COG5: variants seen among roughly 807,000 people sequenced by gnomAD.
COG5 encodes the protein component of oligomeric golgi complex 5.
A neutral mutation model predicts 110.4 loss-of-function variants in COG5; 86 were observed. That is an observed-to-expected ratio of 0.78 (90% CI 0.65 to 0.93). COG5 has a LOEUF of 0.93. Among genes scored for constraint, COG5 ranks in the 40% least tolerant of loss-of-function variants. The pLI is 0.00. For missense variants in COG5, 1,077 were observed against 987.0 expected (o/e 1.09, Z -1.22); for synonymous variants, 360 against 334.6 (o/e 1.08, Z -0.83).
At chr7:107,527,985 T>C (rs1190178207) in intron 5 of COG5, among the ~76,000 whole-genome samples, 4 of 152,164 alleles carry the variant, frequency 2.6e-5, no homozygotes, top group Admixed American at 6.6e-5. Context: ...CTATGCTAGG[T>C]TGCTCAGCTT....
chr7:107,539,413 C>T (rs1317637848), intron 5 of COG5, among the ~76,000 whole-genome samples: 3 of 152,060 alleles, frequency 2.0e-5, no homozygotes, highest in Non-Finnish European at 2.9e-5. Context: ...TATGGATGAA[C>T]CTTGAAAACA....
At position 107,296,627 on chromosome 7, in the gene COG5, C is replaced by A. The variant is rs1309122254; in HGVS notation, c.1313+1515G>T. The stretch of plus-strand genomic sequence containing the variant: ...TAAAGAGAGACAGGGTCTCACTATG[C>A]TGCCCAGGCTGGCCTCTAACTCCTA... On this transcript the variant is annotated intron_variant, in intron 12 of 21. Transcript: ENST00000297135. Among the ~76,000 whole-genome samples the A allele has an allele frequency of 2.1e-5, 3 of 141,038 alleles. No individual in the cohort carries two copies. In the East Asian group the frequency reaches 6.2e-4, roughly 29 times the overall value. 92.5% of individuals were successfully genotyped at this position (141,038 alleles called of 152,430 possible).
chr7:107,372,521 G>A, intron 8 of COG5, 74 bp downstream of exon 8: 1 of 1,386,930 alleles, frequency 7.2e-7, no homozygotes, highest in Non-Finnish European at 1.0e-6. Flanking sequence ...TGAAACATGA[G>A]TGTTTCACAT....
At chr7:107,496,182 T>G (rs1372987101) in intron 6 of COG5, among the ~76,000 whole-genome samples, 1 of 152,094 alleles carries the variant, frequency 6.6e-6, no homozygotes, top group African/African-American at 2.4e-5. Flanking sequence ...GGGCCAGCAT[T>G]TGCCTGACAT....
intron 12 of COG5, among the ~76,000 whole-genome samples, chr7:107,292,780 T>G (rs1806286328): frequency 6.6e-6 from 1 of 152,178 alleles, no homozygotes. Flanking sequence ...GGGGCCCATT[T>G]AGATGAAGTA....
At chr7:107,258,463 T>TTC (rs1562937291) in intron 14 of COG5, 80 bp from the exon 15 acceptor site, 1 of 470,616 alleles carries the variant, frequency 2.1e-6, no homozygotes, top group African/African-American at 2.0e-5. Flanking sequence ...CACACACACA[T>TTC]ACACACACAC....
intron 8 of COG5, among the ~76,000 whole-genome samples, chr7:107,365,434 T>C (rs1813512412): frequency 1.3e-5 from 2 of 151,492 alleles, no homozygotes; most frequent in Non-Finnish European, 2.9e-5. Flanking sequence ...TAAGTCAAAA[T>C]GAAGAAGGAA....
chr7:107,448,054 G>C (rs1049468007), intron 6 of COG5, among the ~76,000 whole-genome samples: 1 of 152,146 alleles, frequency 6.6e-6, no homozygotes, highest in Non-Finnish European at 1.5e-5. Flanking sequence ...TACATGGGAG[G>C]CTGAGGCAGG....
At chr7:107,390,676 A>G (rs959930107) in intron 7 of COG5, among the ~76,000 whole-genome samples, 1 of 151,100 alleles carries the variant, frequency 6.6e-6, no homozygotes, top group Admixed American at 6.6e-5. Flanking sequence ...TCTCCTGGTT[A>G]GACCCCCGCT....
chr7:107,230,200 A>G (rs1800680303), intron 19 of COG5, among the ~76,000 whole-genome samples: 1 of 152,150 alleles, frequency 6.6e-6, no homozygotes, highest in Admixed American at 6.6e-5. Flanking sequence ...TCATATCCAT[A>G]TCTTGGAATG....
intron 8 of COG5, among the ~76,000 whole-genome samples, chr7:107,364,907 C>T (rs1813458545): frequency 6.6e-6 from 1 of 151,932 alleles, no homozygotes; most frequent in Admixed American, 6.6e-5. Context: ...ATTTGCAGTG[C>T]TATGCAAAGA....
At chr7:107,226,789 A>G (rs1800370951) in intron 19 of COG5, among the ~76,000 whole-genome samples, 1 of 152,194 alleles carries the variant, frequency 6.6e-6, no homozygotes, top group African/African-American at 2.4e-5. Context: ...TTTATAAAAT[A>G]GTTGTATCAG....
chr7:107,432,027 T>C (rs1470001045), intron 6 of COG5, among the ~76,000 whole-genome samples: 2 of 152,044 alleles, frequency 1.3e-5, no homozygotes, highest in African/African-American at 2.4e-5. Flanking sequence ...AGGAAGTGTG[T>C]GTGTGTGTTT....
intron 12 of COG5, among the ~76,000 whole-genome samples, chr7:107,290,936 G>A (rs538664914): frequency 3.5e-4 from 54 of 152,234 alleles, no homozygotes; most frequent in East Asian, 1.5e-3. Context: ...GATTACAGGC[G>A]TCAGCCACCG....
chr7:107,476,620 T>C (rs758225201), intron 6 of COG5, among the ~76,000 whole-genome samples: 8 of 151,650 alleles, frequency 5.3e-5, no homozygotes, highest in Non-Finnish European at 7.4e-5. Flanking sequence ...CAAACAAATA[T>C]TTTCCAATTG....
At position 107,210,584 on chromosome 7, in the gene COG5, G is replaced by T; in HGVS notation, c.2317C>A (p.Arg773Ser). 1 of 1,604,162 alleles carries T rather than the reference G, an allele frequency of 6.2e-7. No individual in the cohort carries two copies. ...TGGTCATCCAGCCACTGAGAGAAGC[G>T]TGTGTGGGACCACTCTGCCCTCTGC... ...PFQRAEWSHT[R>S]FSQWLDDHPS... is the part of the protein sequence containing the mutation. The change falls in exon 21 of 22, where the codon CGC (arginine) becomes AGC (serine). Residue 773 changes from arginine (R) to serine (S), a missense_variant. Physicochemically the swap from Arg to Ser is moderately radical, Grantham distance 110 (BLOSUM62 -1). Transcript: ENST00000297135.
intron 12 of COG5, among the ~76,000 whole-genome samples, chr7:107,286,694 CTCAACGTGGCACT>C (rs1182412173): frequency 6.6e-6 from 1 of 152,222 alleles, no homozygotes; most frequent in Non-Finnish European, 1.5e-5. Context: ...CGTGACCTTT[CTCAACGTGGCACT>C]TCTCTTGTTT....
At chr7:107,299,965 C>A (rs1188109247) in intron 11 of COG5, among the ~76,000 whole-genome samples, 1 of 150,080 alleles carries the variant, frequency 6.7e-6, no homozygotes, top group Non-Finnish European at 1.5e-5. Flanking sequence ...AAGCAATCTT[C>A]CTGTCTTGGC....
intron 6 of COG5, among the ~76,000 whole-genome samples, chr7:107,432,701 T>C (rs1036906928): frequency 6.6e-6 from 1 of 152,186 alleles, no homozygotes; most frequent in African/African-American, 2.4e-5. Flanking sequence ...TGAAGTCATA[T>C]TCTATTTATA....
Sources: allele counts gnomAD v4.1 joint callset (sites outside exome capture counted in the v4.1 genomes callset), GRCh38; gene constraint gnomAD v4.1.1; transcripts MANE v1.5; gene names NCBI Gene and HGNC (gene_info 2026-07-23, HGNC 2026-07-21).